The following TF variants were observed in gnomAD, a reference collection of about 807,000 sequenced individuals.
TF encodes serotransferrin.
A neutral mutation model predicts 82.4 loss-of-function variants in TF; 55 were observed. That is an observed-to-expected ratio of 0.67 (90% CI 0.54 to 0.84). The LOEUF (loss-of-function observed/expected upper bound fraction) is 0.84. Among genes scored for constraint, TF ranks in the 40% least tolerant of loss-of-function variants. TF has a pLI of 0.00. For missense variants in TF, 737 were observed against 868.4 expected (o/e 0.85, Z 1.90); for synonymous variants, 332 against 332.6 (o/e 1.00, Z 0.02).
chr3:133,740,578 G>T, the TF span, among the ~76,000 whole-genome samples: 1 of 151,978 alleles, frequency 6.6e-6, no homozygotes, highest in African/African-American at 2.4e-5. Flanking sequence ...TGATCCTCCC[G>T]CCTTGGCTTC....
intron 10 of TF, 79 bp downstream of exon 10, chr3:133,764,354 T>A: frequency 8.4e-7 from 1 of 1,195,914 alleles, no homozygotes; most frequent in Non-Finnish European, 1.2e-6. Flanking sequence ...CACAGTCTGA[T>A]TCATACCACA....
chr3:133,715,049 T>C, the TF span, among the ~76,000 whole-genome samples: 18 of 152,208 alleles, frequency 1.2e-4, no homozygotes, highest in Non-Finnish European at 2.1e-4. Flanking sequence ...ATCCCGCACC[T>C]TTCCCCGTGG....
intron 15 of TF, 64 bp from the exon 16 acceptor site, chr3:133,776,985 C>A: frequency 6.9e-7 from 1 of 1,451,376 alleles, no homozygotes; most frequent in Non-Finnish European, 9.7e-7. Context: ...AGACTCTTCT[C>A]ATCCATGTGT....
At chr3:133,670,816 G>A in the TF span, among the ~76,000 whole-genome samples, 2 of 152,242 alleles carry the variant, frequency 1.3e-5, no homozygotes, top group Non-Finnish European at 2.9e-5. Context: ...AGTAAGTGAA[G>A]GGAGAGCCAG....
Position 133,793,635 on chromosome 3 carries a change from T to C in TF, c.*15015T>C, listed in dbSNP as rs138605336. 0.012 allele frequency: 1,792 copies of C among 152,314 alleles called. 36 individuals carry two copies. Among genetic ancestry groups the C allele is most frequent in the African/African-American group, 0.04 (1,681 of 41,578 alleles). 9.4% of individuals were successfully genotyped at this position (152,314 alleles called of 1,614,324 possible). A position where few individuals can be genotyped will look rare whatever the true frequency, so the allele number is the denominator to read the frequency against. On this transcript the variant is annotated 3_prime_UTR_variant, in exon 17 of 17. Coordinates refer to ENST00000402696, the MANE Select transcript of TF (RefSeq NM_001063.4). ...CATAATTATGATTATTATGTTATTG[T>C]AGACCACAGAAATAACCAAATTTCC...
chr3:133,742,894 C>T (rs144042358), upstream of TF, among the ~76,000 whole-genome samples: 14 of 152,312 alleles, frequency 9.2e-5, no homozygotes, highest in East Asian at 2.5e-3. Context: ...AGGGCCAACT[C>T]GTGGTTGAAA....
the TF span, among the ~76,000 whole-genome samples, chr3:133,727,852 G>T: frequency 6.5e-5 from 8 of 122,818 alleles, no homozygotes; most frequent in Non-Finnish European, 1.4e-4. Context: ...GCAGGCCTGT[G>T]GTGACAAAAT....
At chr3:133,714,476 A>G in the TF span, among the ~76,000 whole-genome samples, 1 of 151,876 alleles carries the variant, frequency 6.6e-6, no homozygotes, top group Non-Finnish European at 1.5e-5. Context: ...CAGATCTACA[A>G]CAACATATAC....
intron 13 of TF, among the ~76,000 whole-genome samples, chr3:133,770,133 A>G (rs1445965198): frequency 6.6e-6 from 1 of 152,230 alleles, no homozygotes; most frequent in East Asian, 1.9e-4. Context: ...AGTCTCTCAC[A>G]AATGTTGCCT....
the TF span, among the ~76,000 whole-genome samples, chr3:133,737,290 A>C: frequency 0.011 from 1,646 of 152,344 alleles, 30 homozygotes; most frequent in African/African-American, 0.037. Flanking sequence ...ACAATGTACC[A>C]GAATCTCTGG....
intron 9 of TF, among the ~76,000 whole-genome samples, chr3:133,763,041 C>T (rs1461602285): frequency 1.3e-5 from 2 of 152,074 alleles, no homozygotes; most frequent in Non-Finnish European, 2.9e-5. Context: ...TTCCTTTTCC[C>T]CTCCTACAAC....
chr3:133,748,338 C>A (rs1334643880), intron 1 of TF, 74 bp from the exon 2 acceptor site: 2 of 1,594,300 alleles, frequency 1.3e-6, no homozygotes, highest in African/African-American at 2.7e-5. Flanking sequence ...GCTGTCAAGG[C>A]CTTTCTAGGG....
At chr3:133,776,881 C>T (rs1934405505) in intron 15 of TF, among the ~76,000 whole-genome samples, 168 bp from the exon 16 acceptor site, 2 of 152,008 alleles carry the variant, frequency 1.3e-5, no homozygotes, top group South Asian at 2.1e-4. Context: ...GCAGCTGGGG[C>T]CCTAAGTGGA....
chr3:133,778,622 A>G lies in TF; in HGVS notation c.*2A>G. ...GCCTGCACTTTCCGTAGACCTTAAA[A>G]TCTCAGAGGTAGGGCTGCCACCAAG... On this transcript the variant is annotated 3_prime_UTR_variant, in exon 17 of 17. Transcript: ENST00000402696. 6.2e-7 allele frequency: 1 copy of G among 1,613,414 alleles called. No individual in the cohort carries two copies. Among genetic ancestry groups the G allele is most frequent in the Non-Finnish European group, 8.5e-7 (1 of 1,179,564 alleles).
chr3:133,753,120 G>A (rs1317406233), intron 2 of TF, among the ~76,000 whole-genome samples: 2 of 152,282 alleles, frequency 1.3e-5, no homozygotes, highest in Admixed American at 1.3e-4. Flanking sequence ...AAATAAAGAG[G>A]GCTCTGAGCA....
At chr3:133,745,129 A>G (rs1933465750), upstream of TF, among the ~76,000 whole-genome samples, 1 of 152,252 alleles carries the variant, frequency 6.6e-6, no homozygotes, top group African/African-American at 2.4e-5. Flanking sequence ...AAAGATTCTT[A>G]CAAAGAAACT....
the TF span, among the ~76,000 whole-genome samples, chr3:133,717,090 A>T: frequency 4.6e-5 from 7 of 152,224 alleles, no homozygotes; most frequent in East Asian, 3.9e-4. Flanking sequence ...TTCTTGCTTT[A>T]TGTTTTCTTT....
At chr3:133,700,645 A>T in the TF span, among the ~76,000 whole-genome samples, 1 of 152,154 alleles carries the variant, frequency 6.6e-6, no homozygotes, top group African/African-American at 2.4e-5. Context: ...GTGGAAAGGG[A>T]TGGATCTGGG....
At chr3:133,662,577 G>T in the TF span, among the ~76,000 whole-genome samples, 1 of 152,174 alleles carries the variant, frequency 6.6e-6, no homozygotes, top group Non-Finnish European at 1.5e-5. Context: ...GGACATCGCC[G>T]TTCTCTTTCT....
Sources: allele counts gnomAD v4.1 joint callset (sites outside exome capture counted in the v4.1 genomes callset), GRCh38; gene constraint gnomAD v4.1.1; transcripts MANE v1.5; gene names NCBI Gene and HGNC (gene_info 2026-07-23, HGNC 2026-07-21).